The following RCOR1 variants were observed in gnomAD, a reference collection of about 807,000 sequenced individuals.
RCOR1 encodes the protein REST corepressor.
A neutral mutation model predicts 64.0 loss-of-function variants in RCOR1; 12 were observed. That is an observed-to-expected ratio of 0.19 (90% confidence interval 0.12 to 0.30). The LOEUF (loss-of-function observed/expected upper bound fraction) is 0.30. Ranked by LOEUF, RCOR1 falls within the 10% of genes least tolerant of loss-of-function variation. RCOR1 has a pLI of 1.00. For synonymous variants in RCOR1, 279 were observed against 227.2 expected, an observed-to-expected ratio of 1.23 and a Z score of -2.05; for missense variants, 502 against 621.2, an observed-to-expected ratio of 0.81 and a Z score of 2.04.
chr14:102,604,801 G>A (rs1893470989), intron 2 of RCOR1, among the ~76,000 whole-genome samples: 1 of 152,016 alleles, frequency 6.6e-6, no homozygotes, highest in South Asian at 2.1e-4. Flanking sequence ...AAAACACTTA[G>A]GCTGGGTGCA....
intron 4 of RCOR1, among the ~76,000 whole-genome samples, chr14:102,704,424 T>A (rs1895808783): frequency 6.6e-6 from 1 of 152,196 alleles, no homozygotes; most frequent in Non-Finnish European, 1.5e-5. Flanking sequence ...CAAAAACCCT[T>A]CTGAGATTTT....
chr14:102,694,988 C>G lies in RCOR1; in HGVS notation c.446-6290C>G, dbSNP rs1014427846. 4.6e-5 allele frequency among the ~76,000 whole-genome samples: 7 copies of G among 152,322 alleles called. 1 individual carries two copies. In the South Asian group the frequency reaches 1.4e-3, roughly 32 times the overall value. The stretch of plus-strand genomic sequence containing the variant: ...GCTCTAAGAAGGCTATAAGCCTTGT[C>G]ATCAGCCCACCATATGGTGCCAGCC... On this transcript the variant is annotated intron_variant, in intron 3 of 11. Transcript: ENST00000262241.
chr14:102,694,579 A>G (rs1051573335), intron 3 of RCOR1, among the ~76,000 whole-genome samples: 1 of 152,136 alleles, frequency 6.6e-6, no homozygotes, highest in African/African-American at 2.4e-5. Context: ...CCGGCCAAGA[A>G]ATAGCATTTT....
chr14:102,694,698 C>T (rs994786407), intron 3 of RCOR1, among the ~76,000 whole-genome samples: 1 of 152,170 alleles, frequency 6.6e-6, no homozygotes, highest in Non-Finnish European at 1.5e-5. Context: ...AGAGAGGGAG[C>T]GTTCAGATGT....
chr14:102,685,708 T>C (rs1895404257), intron 3 of RCOR1, among the ~76,000 whole-genome samples: 1 of 152,146 alleles, frequency 6.6e-6, no homozygotes, highest in Admixed American at 6.5e-5. Context: ...ACCCCTGTAA[T>C]CCCAACAGTT....
At chr14:102,693,573 C>G (rs1895582030) in intron 3 of RCOR1, among the ~76,000 whole-genome samples, 1 of 151,372 alleles carries the variant, frequency 6.6e-6, no homozygotes. Flanking sequence ...TCCCAACTCC[C>G]TCTCACAGGC....
intron 2 of RCOR1, among the ~76,000 whole-genome samples, chr14:102,669,309 GAA>G (rs11407477): frequency 4.5e-5 from 6 of 132,218 alleles, no homozygotes; most frequent in Non-Finnish European, 6.6e-5. Flanking sequence ...AACTCGGTCT[GAA>G]AAAAAAAAAA....
intron 2 of RCOR1, among the ~76,000 whole-genome samples, chr14:102,608,965 C>T (rs990254233): frequency 6.7e-6 from 1 of 149,144 alleles, no homozygotes; most frequent in Non-Finnish European, 1.5e-5. Flanking sequence ...TGTTTTCATC[C>T]TTTTAGGGGT....
chr14:102,661,676 T>TGA (rs1380936531), intron 2 of RCOR1, among the ~76,000 whole-genome samples: 1 of 152,112 alleles, frequency 6.6e-6, no homozygotes, highest in Non-Finnish European at 1.5e-5. Context: ...TTTCTGCAGG[T>TGA]GAAGTGGGAT....
At chr14:102,665,812 T>C (rs1894907278) in intron 2 of RCOR1, among the ~76,000 whole-genome samples, 1 of 152,202 alleles carries the variant, frequency 6.6e-6, no homozygotes, top group African/African-American at 2.4e-5. Context: ...TGGTGTGTGT[T>C]ATGTGACAGA....
At chr14:102,661,968 C>A (rs1894833130) in intron 2 of RCOR1, among the ~76,000 whole-genome samples, 4 of 151,918 alleles carry the variant, frequency 2.6e-5, no homozygotes. Context: ...ACTTTGTTGC[C>A]CAGGCTGGTC....
In RCOR1 at chr14:102,624,026, T is replaced by A. The variant is rs559441379; in HGVS notation, c.361+30701T>A. ...GGCTAACATGGTGAAACCCCATCTC[T>A]ACTAAAAAAAATACAAAACATTAGC... On this transcript the variant is annotated intron_variant, in intron 2 of 11. Transcript: ENST00000262241. Among the ~76,000 whole-genome samples the A allele has an allele frequency of 1.3e-4, 19 of 151,632 alleles. No homozygotes were observed. The South Asian group carries it at 2.5e-3, about 20-fold the overall frequency.
At chr14:102,719,767 A>C (rs1896141697) in intron 8 of RCOR1, among the ~76,000 whole-genome samples, 1 of 152,206 alleles carries the variant, frequency 6.6e-6, no homozygotes, top group Non-Finnish European at 1.5e-5. Flanking sequence ...TCACAGTGCA[A>C]TATATACCCA....
intron 2 of RCOR1, among the ~76,000 whole-genome samples, chr14:102,618,800 C>G (rs1159417970): frequency 6.6e-6 from 1 of 151,936 alleles, no homozygotes; most frequent in African/African-American, 2.4e-5. Flanking sequence ...GGGCATAAAC[C>G]TAGGGGCTTG....
intron 2 of RCOR1, chr14:102,662,200 A>C: frequency 2.3e-6 from 1 of 435,388 alleles, no homozygotes; most frequent in South Asian, 1.8e-5. Context: ...TTCTGGTGAA[A>C]AGATATACAT....
intron 2 of RCOR1, among the ~76,000 whole-genome samples, chr14:102,612,583 G>A (rs1893653327): frequency 6.6e-6 from 1 of 151,958 alleles, no homozygotes; most frequent in Non-Finnish European, 1.5e-5. Flanking sequence ...CAATCCACCT[G>A]CTTCGGCCTC....
In RCOR1 at chr14:102,675,047, C is replaced by CAAA. The variant is rs761294133; in HGVS notation, c.362-6826_362-6824dup. Among the ~76,000 whole-genome samples, 188 of 63,302 alleles carry CAAA rather than the reference C, an allele frequency of 3.0e-3. 2 individuals carry two copies. The highest frequency in any genetic ancestry group is 0.018 in the Middle Eastern group (2 of 112). The allele number at this position is 63,302 out of a possible 152,430, so 41.5% of individuals were successfully genotyped here. On this transcript the variant is annotated intron_variant, in intron 2 of 11. Coordinates refer to ENST00000262241, the MANE Select transcript of RCOR1 (RefSeq NM_015156.4). The stretch of plus-strand genomic sequence containing the variant: ...TGGGCGACAGAGCAAGACTCCACCT[C>CAAA]AAAAAAAAAAAAAAAAAAAAAAAAG...
At chr14:102,616,230 G>C (rs921560600) in intron 2 of RCOR1, among the ~76,000 whole-genome samples, 1 of 85,042 alleles carries the variant, frequency 1.2e-5, no homozygotes, top group Non-Finnish European at 2.9e-5. Flanking sequence ...GTGTGTGTGT[G>C]TGTGTGTGTG....
intron 2 of RCOR1, among the ~76,000 whole-genome samples, chr14:102,631,417 A>T (rs904936189): frequency 6.6e-6 from 1 of 150,724 alleles, no homozygotes; most frequent in Admixed American, 6.6e-5. Flanking sequence ...GTTAGCCAGG[A>T]TGGTCTCGAT....
Sources: gnomAD v4.1 joint callset for allele counts (sites outside exome capture counted in the v4.1 genomes callset) on GRCh38, gnomAD v4.1.1 for gene constraint, MANE v1.5 for transcripts, NCBI Gene and HGNC (gene_info 2026-07-23, HGNC 2026-07-21) for gene names.